The following FANCI variants were observed in gnomAD, a reference collection of about 807,000 sequenced individuals.
FANCI encodes the protein FA complementation group I.
FANCI carries 156 observed loss-of-function variants against 176.1 expected under a neutral mutation model. That is an observed-to-expected ratio of 0.89 (90% CI 0.78 to 1.01). FANCI has a LOEUF of 1.01. Ranked by LOEUF, FANCI falls within the 50% of genes least tolerant of loss-of-function variation. The pLI, the probability that FANCI is intolerant of heterozygous loss-of-function variation, is 0.00. For synonymous variants in FANCI, 613 were observed against 541.7 expected (o/e 1.13, Z -1.83); for missense variants, 1,678 against 1,534.1 (o/e 1.09, Z -1.57).
At chr15:89,268,102 T>A (rs980483017) in intron 9 of FANCI, among the ~76,000 whole-genome samples, 1 of 152,170 alleles carries the variant, frequency 6.6e-6, no homozygotes, top group Admixed American at 6.5e-5. Flanking sequence ...CATACCTTTT[T>A]TTTGTTGTTG....
intron 35 of FANCI, 28 bp from the exon 36 acceptor site, chr15:89,314,584 A>AT (rs1325059884): frequency 6.4e-7 from 1 of 1,557,526 alleles, no homozygotes; most frequent in African/African-American, 1.4e-5. Context: ...TGAACCTGAA[A>AT]TTTAAGTCTT....
At chr15:89,290,697 A>C (rs1490861485) in intron 19 of FANCI, 1 of 177,626 alleles carries the variant, frequency 5.6e-6, no homozygotes, top group East Asian at 1.4e-4. Flanking sequence ...TCAGTTAACA[A>C]ATTTTTAAAT....
intron 2 of FANCI, among the ~76,000 whole-genome samples, chr15:89,253,784 T>G (rs2052371228): frequency 1.5e-5 from 1 of 65,266 alleles, no homozygotes; most frequent in Non-Finnish European, 2.6e-5. Context: ...ATAAATAACT[T>G]GTGGGGGGGG....
intron 14 of FANCI, 31 bp from the exon 15 acceptor site, chr15:89,281,139 G>A (rs1424858138): frequency 6.2e-7 from 1 of 1,607,128 alleles, no homozygotes; most frequent in African/African-American, 1.3e-5. Flanking sequence ...TTAGTTATTT[G>A]AGACAACTGA....
At chr15:89,271,200 C>T (rs143919129) in intron 10 of FANCI, among the ~76,000 whole-genome samples, 1 of 152,082 alleles carries the variant, frequency 6.6e-6, no homozygotes, top group East Asian at 1.9e-4. Context: ...TCTAAGCATG[C>T]AATCCAGTGA....
chr15:89,268,704 T>G, intron 10 of FANCI, 179 bp downstream of exon 10: 1 of 636,656 alleles, frequency 1.6e-6, no homozygotes, highest in Non-Finnish European at 2.6e-6. Context: ...CCACACTCCC[T>G]TTTTTTTAAT....
Position 89,299,909 on chromosome 15 carries a change from T to G in FANCI, c.2746T>G (p.Phe916Val). ...GTGCTTGGAGGGTTTACAGAAAATA[T>G]TCAGTGCTGTGCAACAGTTCTATCA... The part of the protein sequence containing the change: ...LLCLEGLQKI[F>V]SAVQQFYQPK... The change falls in exon 25 of 38, where the codon TTC becomes GTC. Residue 916 changes from phenylalanine (F) to valine (V), a missense_variant. By Grantham distance (50) the Phe-to-Val change is conservative (BLOSUM62 -1). Coordinates refer to ENST00000310775, the MANE Select transcript of FANCI (RefSeq NM_001113378.2). 5 of 1,614,124 alleles carry G rather than the reference T, an allele frequency of 3.1e-6. No individual in the cohort carries two copies. The highest frequency in any genetic ancestry group is 4.2e-6 in the Non-Finnish European group (5 of 1,180,004).
At chr15:89,250,568 A>T (rs190124272) in intron 2 of FANCI, among the ~76,000 whole-genome samples, 188 of 128,350 alleles carry the variant, frequency 1.5e-3, no homozygotes, top group African/African-American at 4.9e-3. Flanking sequence ...GGGGGGAGGG[A>T]TAGCATTAGG....
At chr15:89,303,949 A>T in intron 28 of FANCI, 34 bp downstream of exon 28, 2 of 1,600,702 alleles carry the variant, frequency 1.2e-6, no homozygotes, top group South Asian at 2.2e-5. Context: ...TAAAGGCTTT[A>T]TATAAAATCA....
Position 89,292,995 on chromosome 15 carries a change from C to T in FANCI, c.2223C>T (p.Ile741=). Reference sequence around the variant, plus strand: ...CCAGTATTGGCATAAAAAATAATATCTGTGCTTTTCTTGTGATGGGAGTTT... The same window carrying T: ...CCAGTATTGGCATAAAAAATAATATTTGTGCTTTTCTTGTGATGGGAGTTT... ...QSTSIGIKNN[I]CAFLVMGVCE... is the part of the protein sequence containing the mutation. Residue 741 remains isoleucine, a synonymous_variant, in exon 22 of 38, where the codon ATC becomes ATT. Transcript: ENST00000310775. 1 of 1,613,914 alleles carries T rather than the reference C, an allele frequency of 6.2e-7. No individual in the cohort carries two copies. Among genetic ancestry groups the T allele is most frequent in the East Asian group, 2.2e-5 (1 of 44,858 alleles).
chr15:89,292,726 G>T lies in FANCI; in HGVS notation c.2031G>T (p.Trp677Cys). The T allele has an allele frequency of 6.2e-7, 1 of 1,613,770 alleles. No homozygotes were observed. Among genetic ancestry groups the T allele is most frequent in the African/African-American group, 1.3e-5 (1 of 75,002 alleles). The change falls in exon 21 of 38, where the codon TGG (tryptophan) becomes TGT (cysteine). Residue 677 changes from tryptophan to cysteine, a missense_variant. Trp to Cys is a radical substitution (Grantham distance 215, BLOSUM62 -2). This residue lies in a region of FANCI where 1,204 missense variants were observed against 1,077.4 expected (regional missense o/e 1.12). Transcript: ENST00000310775. ...GTTGTATTCAGCATTGTTTGGCCTG[G>T]TATAAGAATACAGTCATACCCTTAC... The part of the protein sequence containing the change: ...LLCCIQHCLA[W>C]YKNTVIPLQQ...
intron 1 of FANCI, among the ~76,000 whole-genome samples, chr15:89,246,793 CCTCG>C (rs2052000845): frequency 8.1e-6 from 1 of 123,064 alleles, no homozygotes; most frequent in Admixed American, 9.8e-5. Context: ...TGAGACAGAG[CCTCG>C]CTCTGTCGCC....
Position 89,247,690 on chromosome 15 carries a change from G to C in FANCI, c.43G>C (p.Asp15His), listed in dbSNP as rs759948204. The change falls in exon 2 of 38, where the codon GAC (aspartate) becomes CAC (histidine). Residue 15 changes from aspartate to histidine, a missense_variant. Asp to His is a moderately conservative substitution (Grantham distance 81, BLOSUM62 -1). This residue lies in a region of FANCI where 469 missense variants were observed against 436.9 expected (regional missense o/e 1.07). Transcript: ENST00000310775. ...ATCTCTAGCAGCAGAAAAAACAGCA[G>C]ACAAACTGCAAGAATTTCTTCAAAC... The part of the protein sequence containing the change: ...ILSLAAEKTA[D>H]KLQEFLQTLR... 6.2e-7 allele frequency: 1 copy of C among 1,613,944 alleles called. No individual in the cohort carries two copies. Among genetic ancestry groups the C allele is most frequent in the South Asian group, 1.1e-5 (1 of 91,070 alleles).
Position 89,283,269 on chromosome 15 carries a change from AAC to A in FANCI, c.1698+20_1698+21del, listed in dbSNP as rs1220906592. On this transcript the variant is annotated intron_variant, in intron 17 of 37. Coordinates refer to ENST00000310775, the MANE Select transcript of FANCI (RefSeq NM_001113378.2). Reference sequence around the variant, plus strand: ...CAGTCAGGTAAGGATTATTTACGTTAACTTGCAGTGTGTGCGTATCATTCATG... The same window carrying A: ...CAGTCAGGTAAGGATTATTTACGTTATTGCAGTGTGTGCGTATCATTCATG... 3 of 1,613,752 alleles carry A rather than the reference AAC, an allele frequency of 1.9e-6. No homozygotes were observed. Among genetic ancestry groups the A allele is most frequent in the Non-Finnish European group, 2.5e-6 (3 of 1,179,822 alleles).
At chr15:89,290,027 G>A (rs1450064235) in intron 18 of FANCI, among the ~76,000 whole-genome samples, 186 bp from the exon 19 acceptor site, 1 of 152,130 alleles carries the variant, frequency 6.6e-6, no homozygotes, top group Non-Finnish European at 1.5e-5. Context: ...TCTTAACTAA[G>A]ACTAGGACAT....
chr15:89,273,462 A>T lies in FANCI; in HGVS notation c.968A>T (p.Gln323Leu). The change falls in exon 11 of 38, where the codon CAG (glutamine) becomes CTG (leucine). Residue 323 changes from glutamine (Q) to leucine (L), a missense_variant. By Grantham distance (113) the Gln-to-Leu change is moderately radical (BLOSUM62 -2). Around this residue, in one of 3 missense-constraint regions of FANCI, gnomAD observed 469 missense variants for 436.9 expected, o/e 1.07. Coordinates refer to ENST00000310775, the MANE Select transcript of FANCI (RefSeq NM_001113378.2). ...TCTGTAACAAGAATACAAAGATTTCAGGACCAGGTATTTTTTTAAAATGCC... is the reference window on the plus strand; with the variant it reads ...TCTGTAACAAGAATACAAAGATTTCTGGACCAGGTATTTTTTTAAAATGCC... ...LLSVTRIQRF[Q>L]DQVLDLLKTS... 1.3e-6 allele frequency: 2 copies of T among 1,562,716 alleles called. No homozygotes were observed. Among genetic ancestry groups the T allele is most frequent in the Non-Finnish European group, 1.8e-6 (2 of 1,136,712 alleles).
chr15:89,248,001 A>G (rs1233844439), intron 2 of FANCI, among the ~76,000 whole-genome samples: 1 of 152,226 alleles, frequency 6.6e-6, no homozygotes, highest in East Asian at 1.9e-4. Flanking sequence ...TATAAAAGCA[A>G]TTAGTATACT....
Position 89,263,972 on chromosome 15 carries a change from G to A in FANCI, c.615G>A (p.Met205Ile). The change falls in exon 8 of 38, where the codon ATG (methionine) becomes ATA (isoleucine). Residue 205 changes from methionine to isoleucine, a missense_variant. Met to Ile is a conservative substitution (Grantham distance 10). Around this residue, in one of 3 missense-constraint regions of FANCI, gnomAD observed 469 missense variants for 436.9 expected, o/e 1.07. Coordinates refer to ENST00000310775, the MANE Select transcript of FANCI (RefSeq NM_001113378.2). The part of the protein sequence containing the change: ...VEKALSMFSK[M>I]NLQEIPPLVY... ...AAGCATTGAGCATGTTCTCCAAGAT[G>A]AATCTTCAAGAAATACCACCTTTGG... is the stretch of plus-strand genomic sequence containing the variant. 3 of 1,614,038 alleles carry A rather than the reference G, an allele frequency of 1.9e-6. No homozygotes were observed. Among genetic ancestry groups the A allele is most frequent in the Non-Finnish European group, 2.5e-6 (3 of 1,179,922 alleles).
intron 34 of FANCI, among the ~76,000 whole-genome samples, chr15:89,309,360 T>C (rs1312158065): frequency 6.6e-6 from 1 of 152,010 alleles, no homozygotes; most frequent in Non-Finnish European, 1.5e-5. Context: ...ATATGCTATA[T>C]AGACTGAGAC....
Sources: gnomAD v4.1 joint callset for allele counts (sites outside exome capture counted in the v4.1 genomes callset) on GRCh38, gnomAD v4.1.1 for gene constraint, gnomAD v4.1.1 regional missense constraint, MANE v1.5 for transcripts, NCBI Gene and HGNC (gene_info 2026-07-23, HGNC 2026-07-21) for gene names.